The following CNBD1 variants were observed in gnomAD, a reference collection of about 807,000 sequenced individuals.
The protein encoded by CNBD1 is cyclic nucleotide binding domain containing 1, also known as cyclic nucleotide-binding domain-containing protein 1.
Under a neutral mutation model 54.4 loss-of-function variants are expected in CNBD1, and 71 were observed. The observed-to-expected ratio is 1.30, with a 90% CI of 1.08 to 1.59. The LOEUF is 1.59. CNBD1 is among the 40% of genes most tolerant of loss of function. CNBD1 has a pLI of 0.00. For synonymous variants in CNBD1, 182 were observed against 170.7 expected (o/e 1.07, Z -0.51); for missense variants, 659 against 518.0 (o/e 1.27, Z -2.64).
At chr8:87,175,765 C>T (rs951340991) in intron 4 of CNBD1, among the ~76,000 whole-genome samples, 5 of 152,172 alleles carry the variant, frequency 3.3e-5, no homozygotes, top group African/African-American at 7.2e-5. Context: ...CCCCCAAGCT[C>T]GCTGGCTCCA....
At chr8:87,055,447 C>T (rs1392856660) in intron 4 of CNBD1, among the ~76,000 whole-genome samples, 1 of 152,240 alleles carries the variant, frequency 6.6e-6, no homozygotes, top group African/African-American at 2.4e-5. Flanking sequence ...CCCCTTCCCT[C>T]CCTGTGCAAG....
intron 4 of CNBD1, among the ~76,000 whole-genome samples, chr8:87,125,982 A>G (rs1369626105): frequency 6.6e-6 from 1 of 151,812 alleles, no homozygotes; most frequent in African/African-American, 2.4e-5. Context: ...TGAGATTTAT[A>G]TATGTTGCTG....
chr8:87,258,820 G>T (rs551870773), intron 6 of CNBD1, among the ~76,000 whole-genome samples: 1 of 152,022 alleles, frequency 6.6e-6, no homozygotes, highest in African/African-American at 2.4e-5. Context: ...AAACCCTGTT[G>T]TGCTTTTATT....
chr8:87,300,451 A>G (rs530289488), intron 8 of CNBD1, among the ~76,000 whole-genome samples: 24 of 152,292 alleles, frequency 1.6e-4, no homozygotes, highest in African/African-American at 4.3e-4. Context: ...AAAGTTATGC[A>G]TTGTTCAGGT....
chr8:87,112,063 G>A (rs762144090), intron 4 of CNBD1, among the ~76,000 whole-genome samples: 1 of 152,138 alleles, frequency 6.6e-6, no homozygotes, highest in Admixed American at 6.5e-5. Context: ...GGACACTTCT[G>A]CAGAACTGAG....
intron 4 of CNBD1, among the ~76,000 whole-genome samples, chr8:87,135,610 T>C (rs956989584): frequency 5.4e-5 from 8 of 148,138 alleles, no homozygotes; most frequent in African/African-American, 1.7e-4. Context: ...ATATATTCTA[T>C]ATATAATATC....
intron 4 of CNBD1, among the ~76,000 whole-genome samples, chr8:87,017,248 T>G (rs1313557073): frequency 1.3e-5 from 2 of 152,192 alleles, no homozygotes; most frequent in Non-Finnish European, 2.9e-5. Flanking sequence ...CATAACCACT[T>G]TTACTTAAAT....
chr8:86,905,868 A>G (rs994451434), intron 3 of CNBD1, among the ~76,000 whole-genome samples: 4 of 152,154 alleles, frequency 2.6e-5, no homozygotes, highest in South Asian at 2.1e-4. Context: ...CTTCCTGGAT[A>G]TAGTTGTCTT....
At chr8:87,145,593 A>G (rs1197027928) in intron 4 of CNBD1, among the ~76,000 whole-genome samples, 2 of 152,204 alleles carry the variant, frequency 1.3e-5, no homozygotes, top group South Asian at 4.1e-4. Context: ...TACAAAAGGA[A>G]AGAGAATAAT....
intron 3 of CNBD1, among the ~76,000 whole-genome samples, chr8:86,922,669 C>T (rs1809293522): frequency 6.6e-6 from 1 of 152,192 alleles, no homozygotes. Flanking sequence ...AAAAAATCCA[C>T]TTATGATGAT....
At chr8:87,267,692 GACT>G (rs1402524471) in intron 6 of CNBD1, among the ~76,000 whole-genome samples, 2 of 152,100 alleles carry the variant, frequency 1.3e-5, no homozygotes, top group Admixed American at 6.6e-5. Context: ...AAAATGAATG[GACT>G]ACATTAAACA....
chr8:86,921,872 C>A (rs1169286028), intron 3 of CNBD1, among the ~76,000 whole-genome samples: 1 of 152,060 alleles, frequency 6.6e-6, no homozygotes, highest in Non-Finnish European at 1.5e-5. Context: ...AAGTGCAAGT[C>A]AGAGAGGGCC....
At chr8:87,077,493 G>A (rs1810898369) in intron 4 of CNBD1, among the ~76,000 whole-genome samples, 1 of 143,782 alleles carries the variant, frequency 7.0e-6, no homozygotes, top group Non-Finnish European at 1.5e-5. Context: ...CATGTACCAT[G>A]TTGGTTTGCT....
At chr8:86,899,913 C>T (rs934366034) in intron 2 of CNBD1, among the ~76,000 whole-genome samples, 3 of 152,100 alleles carry the variant, frequency 2.0e-5, no homozygotes, top group African/African-American at 2.4e-5. Flanking sequence ...TGGCTCAATT[C>T]CTCCCACCCA....
At chr8:87,422,592 G>A (rs989495260) in intron 2 of CNBD1, among the ~76,000 whole-genome samples, 7 of 152,038 alleles carry the variant, frequency 4.6e-5, no homozygotes, top group African/African-American at 7.3e-5. Flanking sequence ...GCAGATATGC[G>A]GCGTTATTTC....
At chr8:87,119,840 A>C (rs1811854844) in intron 4 of CNBD1, among the ~76,000 whole-genome samples, 1 of 152,102 alleles carries the variant, frequency 6.6e-6, no homozygotes, top group Non-Finnish European at 1.5e-5. Context: ...TGAGATCATC[A>C]TATGGTTTTT....
chr8:87,265,942 A>G (rs1808247447), intron 6 of CNBD1, among the ~76,000 whole-genome samples: 1 of 152,138 alleles, frequency 6.6e-6, no homozygotes, highest in Non-Finnish European at 1.5e-5. Flanking sequence ...AAACTTAGGT[A>G]ATAATCAGTT....
chr8:87,031,679 A>G (rs572219656), intron 4 of CNBD1, among the ~76,000 whole-genome samples: 7 of 152,276 alleles, frequency 4.6e-5, no homozygotes, highest in African/African-American at 1.7e-4. Context: ...ATACACTCTT[A>G]AATCTCATTC....
intron 6 of CNBD1, among the ~76,000 whole-genome samples, chr8:87,256,015 A>ATAT (rs1563526157): frequency 6.3e-5 from 1 of 15,784 alleles, no homozygotes; most frequent in Non-Finnish European, 1.0e-4. Context: ...ATATATATAT[A>ATAT]TTTTTTTTTT....
Sources: gnomAD v4.1 joint callset for allele counts (sites outside exome capture counted in the v4.1 genomes callset) on GRCh38, gnomAD v4.1.1 for gene constraint, MANE v1.5 for transcripts, NCBI Gene and HGNC (gene_info 2026-07-23, HGNC 2026-07-21) for gene names.